The following TPRG1 variants were observed in gnomAD, a reference collection of about 807,000 sequenced individuals.
TPRG1 encodes tumor protein p63 regulated 1.
TPRG1 carries 29 observed loss-of-function variants against 29.3 expected under a neutral mutation model. The ratio of observed to expected loss-of-function variants is 0.99; its 90% CI spans 0.74 to 1.35. The LOEUF is 1.35. Ranked by LOEUF, TPRG1 falls within the 40% of genes most tolerant of loss-of-function variation. The probability of loss-of-function intolerance (pLI) is 0.00; values close to 1 mark genes in which losing one functional copy is unlikely to be tolerated. For missense variants in TPRG1, 327 were observed against 335.0 expected, an observed-to-expected ratio of 0.98 and a Z score of 0.19; for synonymous variants, 130 against 116.8, an observed-to-expected ratio of 1.11 and a Z score of -0.73.
intron 3 of TPRG1, 135 bp downstream of exon 3, chr3:189,215,518 T>A: frequency 1.3e-6 from 1 of 780,296 alleles, no homozygotes; most frequent in Non-Finnish European, 2.1e-6. Context: ...ATTACCAGGT[T>A]AGTCACATTT....
intron 4 of TPRG1, among the ~76,000 whole-genome samples, chr3:189,043,980 C>T (rs1393471358): frequency 1.3e-5 from 2 of 151,994 alleles, no homozygotes; most frequent in Non-Finnish European, 2.9e-5. Flanking sequence ...TTTTTCATTT[C>T]TTATTTTTCC....
At chr3:189,284,775 T>C (rs899964980) in intron 4 of TPRG1, among the ~76,000 whole-genome samples, 1 of 152,190 alleles carries the variant, frequency 6.6e-6, no homozygotes, top group Non-Finnish European at 1.5e-5. Flanking sequence ...TTACACCTTA[T>C]ACAAAAATTA....
Position 189,321,112 on chromosome 3 carries a change from C to A in TPRG1, c.*292C>A. 2 of 209,274 alleles carry A rather than the reference C, an allele frequency of 9.6e-6. No homozygotes were observed. Among genetic ancestry groups the A allele is most frequent in the East Asian group, 2.0e-4 (2 of 10,140 alleles). The allele number at this position is 209,274 out of a possible 1,614,324, so 13.0% of individuals were successfully genotyped here. A position where few individuals can be genotyped will look rare whatever the true frequency, so the allele number is the denominator to read the frequency against. ...GATCATCAACTCAGGAAAGAAGACT[C>A]TAAGTCCTGTTGCTTCAGCTCTCTA... On this transcript the variant is annotated 3_prime_UTR_variant, in exon 6 of 6. Coordinates refer to ENST00000345063, the MANE Select transcript of TPRG1 (RefSeq NM_198485.4).
At chr3:189,168,081 A>G (rs962586658), upstream of TPRG1, among the ~76,000 whole-genome samples, 4 of 152,214 alleles carry the variant, frequency 2.6e-5, no homozygotes, top group East Asian at 5.8e-4. Context: ...AGTGAGATGC[A>G]GGGAAGGAAA....
At chr3:189,207,355 A>AT in intron 1 of TPRG1, 21 bp from the exon 2 acceptor site, 6 of 1,612,132 alleles carry the variant, frequency 3.7e-6, no homozygotes, top group Non-Finnish European at 5.1e-6. Flanking sequence ...TTTCAATGAG[A>AT]TTTTTCTGCC....
At chr3:189,014,593 T>C (rs1237765666) in intron 3 of TPRG1, among the ~76,000 whole-genome samples, 1 of 152,192 alleles carries the variant, frequency 6.6e-6, no homozygotes, top group Non-Finnish European at 1.5e-5. Context: ...GGGAGGGGCC[T>C]GGTGCAAGGT....
intron 3 of TPRG1, among the ~76,000 whole-genome samples, chr3:189,019,016 A>G (rs1383688250): frequency 5.3e-5 from 8 of 152,018 alleles, no homozygotes; most frequent in Non-Finnish European, 1.0e-4. Context: ...GTTCACTCAT[A>G]ATTTGTCTCT....
chr3:189,043,250 T>G (rs1714744774), intron 4 of TPRG1, among the ~76,000 whole-genome samples: 1 of 152,172 alleles, frequency 6.6e-6, no homozygotes, highest in South Asian at 2.1e-4. Flanking sequence ...AACATAAAAT[T>G]CTTTCTTTGG....
intron 4 of TPRG1, among the ~76,000 whole-genome samples, chr3:189,030,364 A>AT (rs927627882): frequency 9.2e-5 from 14 of 152,258 alleles, no homozygotes; most frequent in African/African-American, 2.4e-4. Flanking sequence ...GATGTCTTGG[A>AT]TTTTTTTCTG....
intron 4 of TPRG1, among the ~76,000 whole-genome samples, chr3:189,292,183 G>A (rs1259460336): frequency 1.3e-5 from 2 of 151,474 alleles, no homozygotes; most frequent in Non-Finnish European, 2.9e-5. Flanking sequence ...ATCAGTGTAG[G>A]GACTCTAAAA....
chr3:189,021,710 T>C (rs1212630663), intron 3 of TPRG1, among the ~76,000 whole-genome samples: 1 of 152,178 alleles, frequency 6.6e-6, no homozygotes, highest in Non-Finnish European at 1.5e-5. Flanking sequence ...ATTATGTGTC[T>C]TGGAGTTGCT....
chr3:189,140,795 T>C (rs1042254885), intron 3 of TPRG1, among the ~76,000 whole-genome samples: 7 of 152,198 alleles, frequency 4.6e-5, no homozygotes, highest in Admixed American at 2.0e-4. Context: ...ATTTGGTACC[T>C]TTCATTTCTC....
chr3:189,273,384 G>A (rs892787831), intron 4 of TPRG1, among the ~76,000 whole-genome samples: 1 of 152,092 alleles, frequency 6.6e-6, no homozygotes, highest in African/African-American at 2.4e-5. Context: ...ACTCAGATGA[G>A]GAGGCAGGGA....
intron 1 of TPRG1, among the ~76,000 whole-genome samples, chr3:189,200,371 G>A (rs1157482705): frequency 6.6e-6 from 1 of 152,118 alleles, no homozygotes; most frequent in Non-Finnish European, 1.5e-5. Flanking sequence ...CACATCCCTC[G>A]GCTGTTCTCA....
chr3:189,218,395 C>A (rs913664469), intron 3 of TPRG1, among the ~76,000 whole-genome samples: 1 of 152,134 alleles, frequency 6.6e-6, no homozygotes, highest in Admixed American at 6.5e-5. Context: ...GGATTACAGG[C>A]GTGAGCCATC....
intron 3 of TPRG1, among the ~76,000 whole-genome samples, chr3:189,018,348 G>T (rs1354485287): frequency 1.3e-5 from 2 of 149,450 alleles, no homozygotes; most frequent in East Asian, 2.0e-4. Context: ...TTCTTCTGGG[G>T]TTTTTATGGT....
At chr3:189,163,136 G>C (rs117379633) in intron 5 of TPRG1, among the ~76,000 whole-genome samples, 2 of 152,156 alleles carry the variant, frequency 1.3e-5, no homozygotes, top group African/African-American at 4.8e-5. Flanking sequence ...AGCTGGGCAC[G>C]GTGCCAGGTG....
chr3:189,236,655 C>T (rs933858479), intron 3 of TPRG1, among the ~76,000 whole-genome samples: 1 of 152,146 alleles, frequency 6.6e-6, no homozygotes, highest in Admixed American at 6.5e-5. Context: ...TGGCCATAAC[C>T]TTCTTCAAAG....
At position 189,088,669 on chromosome 3, in the gene TPRG1, C is replaced by A. The variant is rs545764106; in HGVS notation, c.-462-38388C>A. 3.3e-5 allele frequency among the ~76,000 whole-genome samples: 5 copies of A among 152,190 alleles called. No homozygotes were observed. In the South Asian group the frequency reaches 1.0e-3, roughly 32 times the overall value. ...CATCTATATCTATATATTTTCACCC[C>A]ATTTCCTATATCCAATCTACATTCA... On this transcript the variant is annotated intron_variant, in intron 4 of 10. Coordinates refer to the TPRG1 transcript ENST00000433971.
Sources: gnomAD v4.1 joint callset for allele counts (sites outside exome capture counted in the v4.1 genomes callset) on GRCh38, gnomAD v4.1.1 for gene constraint, MANE v1.5 for transcripts, NCBI Gene and HGNC (gene_info 2026-07-23, HGNC 2026-07-21) for gene names.